The following S100A13 variants were observed in gnomAD, a reference collection of about 807,000 sequenced individuals.
S100A13 encodes protein S100-A13.
In S100A13, 6 loss-of-function variants were observed where a neutral mutation model predicts 8.2. The observed-to-expected ratio is 0.73, with a 90% CI of 0.40 to 1.44. The LOEUF (loss-of-function observed/expected upper bound fraction) is 1.44. Ranked by LOEUF, S100A13 falls within the 40% of genes most tolerant of loss-of-function variation. S100A13 has a pLI of 0.02. For missense variants in S100A13, 114 were observed against 113.6 expected, an observed-to-expected ratio of 1.00 and a Z score of -0.02; for synonymous variants, 39 against 45.9, an observed-to-expected ratio of 0.85 and a Z score of 0.61.
upstream of S100A13, chr1:153,627,980 C>T (rs944932745): frequency 6.7e-7 from 1 of 1,500,890 alleles, no homozygotes; most frequent in South Asian, 1.3e-5. Context: ...CAGGTTGAGA[C>T]CCCCAGAGAA....
chr1:153,626,175 C>T (rs1351301302), intron 2 of S100A13, 145 bp downstream of exon 2: 1 of 769,394 alleles, frequency 1.3e-6, no homozygotes, highest in Non-Finnish European at 2.2e-6. Context: ...CTCGAAAAAA[C>T]AAAAGAAAAC....
At chr1:153,626,564 A>G in intron 1 of S100A13, 31 bp from the exon 2 acceptor site, 1 of 1,339,880 alleles carries the variant, frequency 7.5e-7, no homozygotes. Flanking sequence ...AGAGAGGGAG[A>G]GTCAGGGAGC....
chr1:153,625,844 A>T (rs985095503), intron 2 of S100A13, among the ~76,000 whole-genome samples: 2 of 152,240 alleles, frequency 1.3e-5, no homozygotes, highest in Non-Finnish European at 2.9e-5. Context: ...ATGGACACAC[A>T]AACACACACA....
chr1:153,624,547 GAA>G lies in S100A13; in HGVS notation c.153+1771_153+1772del, dbSNP rs34952512. ...CAGGCCCAGAGGAAGTTGAATTTAGGAAAAAAAAAAAAAAAACCACAATCACT... is the reference window on the plus strand; with the variant it reads ...CAGGCCCAGAGGAAGTTGAATTTAGGAAAAAAAAAAAAAACCACAATCACT... On this transcript the variant is annotated intron_variant, in intron 2 of 2. Transcript: ENST00000476133. 7.2e-3 allele frequency among the ~76,000 whole-genome samples: 792 copies of G among 109,338 alleles called. 9 individuals carry two copies. The highest frequency in any genetic ancestry group is 0.024 in the African/African-American group (745 of 31,214). 71.7% of individuals were successfully genotyped at this position (109,338 alleles called of 152,430 possible). A position where few individuals can be genotyped will look rare whatever the true frequency, so the allele number is the denominator to read the frequency against.
At chr1:153,628,420 C>T (rs1316750531), upstream of S100A13, 6 of 1,550,572 alleles carry the variant, frequency 3.9e-6, no homozygotes, top group Non-Finnish European at 5.2e-6. Flanking sequence ...CAGGTCTCCA[C>T]ACACAGCTCC....
chr1:153,628,261 G>C, upstream of S100A13: 1 of 1,528,432 alleles, frequency 6.5e-7, no homozygotes, highest in Non-Finnish European at 8.8e-7. Flanking sequence ...AACGGGGCAA[G>C]CAAGGCTGGG....
At chr1:153,630,586 A>C, upstream of S100A13, 1 of 1,614,254 alleles carries the variant, frequency 6.2e-7, no homozygotes, top group Non-Finnish European at 8.5e-7. Context: ...CACTCGGGCA[A>C]AGAGGGGGAC....
At chr1:153,629,825 C>A (rs1481920269), upstream of S100A13, 1 of 152,352 alleles carries the variant, frequency 6.6e-6, no homozygotes, top group African/African-American at 2.4e-5. Context: ...GATAATTTTG[C>A]AGAGGCAATG....
At chr1:153,626,777 C>G (rs1667667742) in intron 1 of S100A13, 1 of 290,172 alleles carries the variant, frequency 3.4e-6, no homozygotes, top group African/African-American at 2.1e-5. Context: ...AATCCGGGAT[C>G]CTTTTTAAAT....
chr1:153,625,671 C>G (rs1192312025), intron 2 of S100A13, among the ~76,000 whole-genome samples: 2 of 152,244 alleles, frequency 1.3e-5, no homozygotes, highest in Non-Finnish European at 2.9e-5. Flanking sequence ...CCTTCCAGCT[C>G]TGACAGTCTG....
intron 2 of S100A13, among the ~76,000 whole-genome samples, chr1:153,619,682 C>T (rs536630147): frequency 1.9e-4 from 29 of 152,236 alleles, no homozygotes; most frequent in Middle Eastern, 6.8e-3. Context: ...GACCTGTTGC[C>T]AGATAAACAA....
chr1:153,628,259 A>G, upstream of S100A13: 1 of 1,529,674 alleles, frequency 6.5e-7, no homozygotes, highest in Non-Finnish European at 8.8e-7. Context: ...GGAACGGGGC[A>G]AGCAAGGCTG....
intron 2 of S100A13, among the ~76,000 whole-genome samples, chr1:153,625,752 T>C (rs960460470): frequency 1.3e-5 from 2 of 152,194 alleles, no homozygotes; most frequent in African/African-American, 4.8e-5. Flanking sequence ...GCACAGAGCA[T>C]ACACAAGAAC....
chr1:153,625,348 A>G (rs771790353), intron 2 of S100A13, among the ~76,000 whole-genome samples: 1 of 152,172 alleles, frequency 6.6e-6, no homozygotes, highest in African/African-American at 2.4e-5. Context: ...GTGCCTGTGG[A>G]TTTTCAGAAA....
At chr1:153,628,787 C>T, upstream of S100A13, 3 of 441,844 alleles carry the variant, frequency 6.8e-6, no homozygotes, top group Non-Finnish European at 8.0e-6. Context: ...CACAGGGAGC[C>T]CTCAAGTCCC....
upstream of S100A13, chr1:153,630,113 G>A: frequency 3.6e-6 from 1 of 277,702 alleles, no homozygotes; most frequent in South Asian, 1.3e-4. Context: ...AGACAGGCAA[G>A]GTCCAGGGTA....
chr1:153,630,665 G>T, upstream of S100A13: 1 of 1,614,096 alleles, frequency 6.2e-7, no homozygotes, highest in South Asian at 1.1e-5. Context: ...TCCTGGATGT[G>T]AGCATAGAGT....
intron 2 of S100A13, among the ~76,000 whole-genome samples, chr1:153,622,018 G>C (rs1340816833): frequency 1.3e-5 from 2 of 152,108 alleles, no homozygotes; most frequent in African/African-American, 4.8e-5. Context: ...CGCATGAAGT[G>C]TGGGTAGCCA....
intron 2 of S100A13, among the ~76,000 whole-genome samples, chr1:153,622,992 A>G (rs1667367377): frequency 6.6e-6 from 1 of 152,128 alleles, no homozygotes. Context: ...CAGAAGGCTG[A>G]GGTGGAAGGA....
Sources: allele counts gnomAD v4.1 joint callset (sites outside exome capture counted in the v4.1 genomes callset), GRCh38; gene constraint gnomAD v4.1.1; transcripts MANE v1.5; gene names NCBI Gene and HGNC (gene_info 2026-07-23, HGNC 2026-07-21).